Variants in PLCL2 observed in about 807,000 individuals in gnomAD.
PLCL2 encodes the protein phospholipase C like 2.
A neutral mutation model predicts 79.6 loss-of-function variants in PLCL2; 4 were observed. The ratio of observed to expected loss-of-function variants is 0.05; its 90% confidence interval spans 0.02 to 0.11. PLCL2 has a LOEUF of 0.11. Among genes scored for constraint, PLCL2 ranks in the 10% least tolerant of loss-of-function variants. The probability of loss-of-function intolerance (pLI) is 1.00; values close to 1 mark genes in which losing one functional copy is unlikely to be tolerated. For synonymous variants in PLCL2, 484 were observed against 457.7 expected, an observed-to-expected ratio of 1.06 and a Z score of -0.73; for missense variants, 895 against 1,291.0, an observed-to-expected ratio of 0.69 and a Z score of 4.70.
At chr3:16,991,863 G>A (rs1371753889) in intron 1 of PLCL2, among the ~76,000 whole-genome samples, 1 of 152,144 alleles carries the variant, frequency 6.6e-6, no homozygotes, top group Non-Finnish European at 1.5e-5. Context: ...TTTCTGTGTT[G>A]CCATTATAAT....
At chr3:16,925,747 A>C (rs1697231534) in intron 1 of PLCL2, among the ~76,000 whole-genome samples, 6 of 152,218 alleles carry the variant, frequency 3.9e-5, no homozygotes, top group Non-Finnish European at 8.8e-5. Context: ...CATTGTATGG[A>C]TATGCCACAG....
chr3:17,030,551 A>G (rs1004052429), intron 3 of PLCL2, among the ~76,000 whole-genome samples: 2 of 152,200 alleles, frequency 1.3e-5, no homozygotes, highest in Admixed American at 6.5e-5. Flanking sequence ...TTCTCCCATC[A>G]TCTTGCTAAG....
At position 17,011,939 on chromosome 3, in the gene PLCL2, A is replaced by G. The variant is rs1258597071; in HGVS notation, c.2593A>G (p.Thr865Ala). The G allele has an allele frequency of 1.9e-6, 3 of 1,614,132 alleles. No individual in the cohort carries two copies. In the Admixed American group the frequency reaches 5.0e-5, roughly 27 times the overall value. Reference protein sequence around the residue: ...GYRHVPLQSLTGEVLAHASLF... With the variant: ...GYRHVPLQSLAGEVLAHASLF... The stretch of plus-strand genomic sequence containing the variant: ...CCGCCATGTCCCCCTGCAGTCCTTA[A>G]CTGGAGAGGTCCTTGCACATGCTTC... Residue 865 changes from threonine to alanine, a missense_variant, in exon 2 of 6, where the codon ACT becomes GCT. By Grantham distance (58) the Thr-to-Ala change is moderately conservative. Around this residue, in one of 6 missense-constraint regions of PLCL2, gnomAD observed 298 missense variants for 459.6 expected, o/e 0.65. Coordinates refer to ENST00000615277, the MANE Select transcript of PLCL2 (RefSeq NM_001144382.2). This position sits in a 1 kb window ranked among gnomAD's most constrained non-coding sequence, Gnocchi z 7.9.
chr3:17,005,506 T>C (rs956455288), intron 1 of PLCL2, among the ~76,000 whole-genome samples: 6 of 152,344 alleles, frequency 3.9e-5, no homozygotes, highest in Admixed American at 2.0e-4. Context: ...TAGGCAGTTA[T>C]GTTAGAAAGA....
chr3:17,036,227 G>A (rs76032084), intron 3 of PLCL2, among the ~76,000 whole-genome samples: 1,534 of 152,282 alleles, frequency 0.01, 30 homozygotes, highest in African/African-American at 0.035. Context: ...GGGGAGCTGG[G>A]TTTAATTGTA....
chr3:17,000,307 A>AT (rs890556462), intron 1 of PLCL2, among the ~76,000 whole-genome samples: 2 of 152,062 alleles, frequency 1.3e-5, no homozygotes, highest in Non-Finnish European at 2.9e-5. Flanking sequence ...ATTATCTTGT[A>AT]TTTTTTTCAA....
intron 3 of PLCL2, among the ~76,000 whole-genome samples, chr3:17,022,523 A>T (rs1268333854): frequency 6.6e-6 from 1 of 152,198 alleles, no homozygotes; most frequent in African/African-American, 2.4e-5. Context: ...AAAGAAAGAA[A>T]AGGATTTTAT....
intron 1 of PLCL2, among the ~76,000 whole-genome samples, chr3:16,954,062 C>T (rs772558916): frequency 6.6e-6 from 1 of 151,938 alleles, no homozygotes; most frequent in Non-Finnish European, 1.5e-5. Context: ...TTTTAGGGTA[C>T]ATGTGCACAG....
intron 1 of PLCL2, among the ~76,000 whole-genome samples, chr3:17,004,875 A>G (rs951434925): frequency 3.9e-5 from 6 of 152,224 alleles, no homozygotes; most frequent in African/African-American, 1.2e-4. Flanking sequence ...AAACATGGTG[A>G]TCCCCTACCT....
chr3:16,941,747 G>A (rs2063549888), intron 1 of PLCL2, among the ~76,000 whole-genome samples: 1 of 151,772 alleles, frequency 6.6e-6, no homozygotes, highest in Admixed American at 6.6e-5. Flanking sequence ...CCCTGTAATT[G>A]TGACCCATTT....
In PLCL2 at chr3:16,895,656, A is replaced by T. The variant is rs1402231425; in HGVS notation, c.327+10290A>T. 3.3e-5 allele frequency among the ~76,000 whole-genome samples: 5 copies of T among 152,212 alleles called. 1 individual carries two copies. Among genetic ancestry groups the T allele is most frequent in the Non-Finnish European group, 7.3e-5 (5 of 68,034 alleles). On this transcript the variant is annotated intron_variant, in intron 1 of 5. Transcript: ENST00000615277. Reference sequence around the variant, plus strand: ...CATATGTATATTGAAAGACATTTCCAAGAGTCCTTAAAGCAGCATTAATTC... The same window carrying T: ...CATATGTATATTGAAAGACATTTCCTAGAGTCCTTAAAGCAGCATTAATTC...
At chr3:17,027,339 T>G (rs2064528083) in intron 3 of PLCL2, among the ~76,000 whole-genome samples, 1 of 152,230 alleles carries the variant, frequency 6.6e-6, no homozygotes, top group Admixed American at 6.5e-5. Context: ...ATGAAAGTCA[T>G]ATGAACTTCA....
chr3:16,945,286 C>T (rs2063591173), intron 1 of PLCL2, among the ~76,000 whole-genome samples: 3 of 151,714 alleles, frequency 2.0e-5, no homozygotes, highest in Admixed American at 6.6e-5. Flanking sequence ...ACACACAGCA[C>T]TTGTCTTCTC....
intron 4 of PLCL2, among the ~76,000 whole-genome samples, chr3:17,053,597 A>T (rs114126068): frequency 0.01 from 1,542 of 152,268 alleles, 31 homozygotes; most frequent in African/African-American, 0.035. Context: ...TCCAGCATTA[A>T]CTCAAAAGTC....
intron 1 of PLCL2, among the ~76,000 whole-genome samples, chr3:16,982,336 TTC>T (rs1277526563): frequency 6.6e-6 from 1 of 152,236 alleles, no homozygotes; most frequent in Non-Finnish European, 1.5e-5. Flanking sequence ...CCCCAGAGAA[TTC>T]TGTGAGAGCT....
At chr3:16,923,118 G>A (rs1181063064) in intron 1 of PLCL2, among the ~76,000 whole-genome samples, 1 of 152,204 alleles carries the variant, frequency 6.6e-6, no homozygotes, top group African/African-American at 2.4e-5. Context: ...ATTAAAATGT[G>A]ATTTGTGTTG....
intron 1 of PLCL2, among the ~76,000 whole-genome samples, chr3:16,997,512 C>A (rs552946562): frequency 6.6e-6 from 1 of 151,106 alleles, no homozygotes; most frequent in African/African-American, 2.4e-5. Flanking sequence ...TCCCCCTCCA[C>A]ATACACATTA....
At chr3:17,023,624 T>C (rs6789316) in intron 3 of PLCL2, among the ~76,000 whole-genome samples, 3 of 152,094 alleles carry the variant, frequency 2.0e-5, no homozygotes, top group East Asian at 1.9e-4. Context: ...CTGTAAGTCA[T>C]ATTAATCCTC....
rs1157288288 is a variant in PLCL2, at chr3:17,089,799, G to A, written c.3271G>A (p.Ala1091Thr). 6.2e-7 allele frequency: 1 copy of A among 1,613,932 alleles called. No individual in the cohort carries two copies. Among genetic ancestry groups the A allele is most frequent in the South Asian group, 1.1e-5 (1 of 91,070 alleles). Residue 1091 changes from alanine to threonine, a missense_variant, in exon 6 of 6, where the codon GCT (alanine) becomes ACT (threonine). Around this residue, in one of 6 missense-constraint regions of PLCL2, gnomAD observed 298 missense variants for 459.6 expected, o/e 0.65. Coordinates refer to ENST00000615277, the MANE Select transcript of PLCL2 (RefSeq NM_001144382.2). ...TLENLKQIHF[A>T]AVSCGLNKPG... ...GGAGAACCTGAAACAAATCCATTTT[G>A]CTGCTGTTTCATGTGGACTGAATAA...
Sources: allele counts gnomAD v4.1 joint callset (sites outside exome capture counted in the v4.1 genomes callset), GRCh38; gene constraint gnomAD v4.1.1; regional missense constraint gnomAD v4.1.1; non-coding constraint Gnocchi (gnomAD v3.1); transcripts MANE v1.5; gene names NCBI Gene and HGNC (gene_info 2026-07-23, HGNC 2026-07-21).